Variants in ALDH16A1 observed in about 807,000 individuals in gnomAD.
ALDH16A1 encodes aldehyde dehydrogenase family 16 member A1.
ALDH16A1 carries 88 observed loss-of-function variants against 96.1 expected under a neutral mutation model. That is an observed-to-expected ratio of 0.92 (90% CI 0.77 to 1.09). ALDH16A1 has a LOEUF of 1.09. Ranked by LOEUF, ALDH16A1 falls within the 50% of genes least tolerant of loss-of-function variation. ALDH16A1 has a pLI of 0.00. For missense variants in ALDH16A1, 1,250 were observed against 1,112.6 expected (o/e 1.12, Z -1.76); for synonymous variants, 522 against 496.4 (o/e 1.05, Z -0.69).
At chr19:49,457,192 G>A (rs1057317961) in intron 1 of ALDH16A1, among the ~76,000 whole-genome samples, 1 of 151,816 alleles carries the variant, frequency 6.6e-6, no homozygotes. Context: ...TGTAGAAGGA[G>A]CAAGTGAGCA....
At position 49,460,911 on chromosome 19, in the gene ALDH16A1, C is replaced by A. The variant is rs199712460; in HGVS notation, c.577+12C>A. The A allele has an allele frequency of 1.8e-3, 2,970 of 1,610,516 alleles. 59 individuals are homozygous for A. The South Asian group carries it at 0.029, about 16-fold the overall frequency. On this transcript the variant is annotated intron_variant, in intron 5 of 16. Transcript: ENST00000293350. ...TGCCCTGGCTGTGGGTAAATGATGG[C>A]CTGGGGGGTCCTGACTCTTGGGTCT...
chr19:49,462,755 G>A lies in ALDH16A1; in HGVS notation c.1098G>A (p.Gln366=), dbSNP rs920416789. 10 of 1,575,570 alleles carry A rather than the reference G, an allele frequency of 6.3e-6. No individual in the cohort carries two copies. The highest frequency in any genetic ancestry group is 7.7e-6 in the Non-Finnish European group (9 of 1,162,580). Residue 366 remains glutamine (Q), a splice_region_variant and synonymous_variant, in exon 8 of 17, where the codon CAG becomes CAA. Transcript: ENST00000293350. Reference sequence around the variant, plus strand: ...GTGAGGCCCAGAGCCAGGGTGCACAGGTGAGGCAGGGGGTAGAGACTTGAG... The same window carrying A: ...GTGAGGCCCAGAGCCAGGGTGCACAAGTGAGGCAGGGGGTAGAGACTTGAG... The part of the protein sequence containing the change: ...FVREAQSQGA[Q]VFQAGDVPSE...
rs1212541215 is a variant in ALDH16A1, at chr19:49,465,910, G to A, written c.1736+5G>A. Reference sequence around the variant, plus strand: ...CGCTCACCAGGCTTTCCCTGGGTAAGGGGTCACACGGGAAAGCCCAAGGGT... The same window carrying A: ...CGCTCACCAGGCTTTCCCTGGGTAAAGGGTCACACGGGAAAGCCCAAGGGT... On this transcript the variant is annotated splice_donor_5th_base_variant and intron_variant, in intron 13 of 16. Transcript: ENST00000293350. 19 of 1,612,634 alleles carry A rather than the reference G, an allele frequency of 1.2e-5. No individual in the cohort carries two copies. The highest frequency in any genetic ancestry group is 1.5e-5 in the Non-Finnish European group (18 of 1,179,390).
chr19:49,458,656 C>A, intron 2 of ALDH16A1, 68 bp downstream of exon 2: 1 of 1,475,482 alleles, frequency 6.8e-7, no homozygotes, highest in Non-Finnish European at 9.3e-7. Flanking sequence ...CCCACCAACA[C>A]CCATTCCCCT....
At chr19:49,457,846 G>A (rs1227104694) in intron 1 of ALDH16A1, among the ~76,000 whole-genome samples, 2 of 151,986 alleles carry the variant, frequency 1.3e-5, no homozygotes, top group Non-Finnish European at 2.9e-5. Flanking sequence ...CCTAGGCTCA[G>A]ACCACCTCGG....
In ALDH16A1 at chr19:49,464,369, C is replaced by T. The variant is rs893083778; in HGVS notation, c.1332-48C>T. 3.8e-6 allele frequency: 6 copies of T among 1,563,706 alleles called. No homozygotes were observed. The Admixed American group carries it at 9.5e-5, about 25-fold the overall frequency. ...GCCTTTAACTCACCCCTCTCCCGGCCTGCCACCGTCTGTTTTCCTCTGTTG... is the reference window on the plus strand; with the variant it reads ...GCCTTTAACTCACCCCTCTCCCGGCTTGCCACCGTCTGTTTTCCTCTGTTG... On this transcript the variant is annotated intron_variant, in intron 10 of 16. Coordinates refer to ENST00000293350, the MANE Select transcript of ALDH16A1 (RefSeq NM_153329.4).
In ALDH16A1 at chr19:49,464,412, C is replaced by G. The variant is rs773590065; in HGVS notation, c.1332-5C>G. Reference sequence around the variant, plus strand: ...CTCTGTTGGACACCTTCATCTTCCCCACAGGCTCCAGGTGGGCACTGTCTG... The same window carrying G: ...CTCTGTTGGACACCTTCATCTTCCCGACAGGCTCCAGGTGGGCACTGTCTG... On this transcript the variant is annotated splice_polypyrimidine_tract_variant and splice_region_variant and intron_variant, in intron 10 of 16. Coordinates refer to ENST00000293350, the MANE Select transcript of ALDH16A1 (RefSeq NM_153329.4). 1.9e-6 allele frequency: 3 copies of G among 1,594,762 alleles called. No individual in the cohort carries two copies. The highest frequency in any genetic ancestry group is 2.6e-6 in the Non-Finnish European group (3 of 1,170,636).
chr19:49,459,124 A>T lies in ALDH16A1; in HGVS notation c.320+38A>T, dbSNP rs758438838. 5 of 1,590,296 alleles carry T rather than the reference A, an allele frequency of 3.1e-6. No homozygotes were observed. In the South Asian group the frequency reaches 4.4e-5, roughly 14 times the overall value. On this transcript the variant is annotated intron_variant, in intron 3 of 16. Transcript: ENST00000293350. The surrounding 1 kb of genome is among the most constrained non-coding windows in gnomAD (Gnocchi z 4.1). ...AGGTGTGGACCCCGGGAGGCGGGGAACCCCAGCATCCACTCGAGACCATGG... is the reference window on the plus strand; with the variant it reads ...AGGTGTGGACCCCGGGAGGCGGGGATCCCCAGCATCCACTCGAGACCATGG...
rs183310379 is a variant in ALDH16A1, at chr19:49,460,819, C to A, written c.500-3C>A. On this transcript the variant is annotated splice_region_variant and splice_polypyrimidine_tract_variant and intron_variant, in intron 4 of 16. Transcript: ENST00000293350. ...ATCCTCTTGCCTCATTTTTTTCTTGCAGGAGTAATTGGCCTCATCCTGCCA... is the reference window on the plus strand; with the variant it reads ...ATCCTCTTGCCTCATTTTTTTCTTGAAGGAGTAATTGGCCTCATCCTGCCA... 3 of 1,607,774 alleles carry A rather than the reference C, an allele frequency of 1.9e-6. No individual in the cohort carries two copies. Among genetic ancestry groups the A allele is most frequent in the Non-Finnish European group, 2.5e-6 (3 of 1,176,550 alleles).
At chr19:49,457,273 C>T (rs971016196) in intron 1 of ALDH16A1, among the ~76,000 whole-genome samples, 6 of 151,802 alleles carry the variant, frequency 4.0e-5, no homozygotes, top group African/African-American at 1.5e-4. Flanking sequence ...GAAGTCCGGG[C>T]GCAGTGGCTC....
chr19:49,457,487 G>A (rs530194702), intron 1 of ALDH16A1, among the ~76,000 whole-genome samples: 1 of 150,584 alleles, frequency 6.6e-6, no homozygotes, highest in East Asian at 2.0e-4. Flanking sequence ...GGCGGACCTT[G>A]CAGTGAGCAG....
intron 8 of ALDH16A1, 79 bp downstream of exon 8, chr19:49,462,834 G>T: frequency 7.3e-7 from 1 of 1,366,734 alleles, no homozygotes; most frequent in East Asian, 2.7e-5. Flanking sequence ...AAGGGAGGAG[G>T]GAGCTGGGCG....
intron 12 of ALDH16A1, 152 bp downstream of exon 12, chr19:49,464,914 C>A: frequency 8.2e-7 from 1 of 1,215,212 alleles, no homozygotes; most frequent in Non-Finnish European, 1.2e-6. Context: ...ACTTTCCCTA[C>A]CCCAGGCCTG....
Position 49,464,619 on chromosome 19 carries a change from G to A in ALDH16A1, c.1438-13G>A, listed in dbSNP as rs372663614. 11 of 1,613,686 alleles carry A rather than the reference G, an allele frequency of 6.8e-6. No individual in the cohort carries two copies. Among genetic ancestry groups the A allele is most frequent in the African/African-American group, 4.0e-5 (3 of 74,830 alleles). ...GTGCCCCTTGCATCCTCTTGACACCGTCCCTCTCACAGGGGCTGTATGAGT... is the reference window on the plus strand; with the variant it reads ...GTGCCCCTTGCATCCTCTTGACACCATCCCTCTCACAGGGGCTGTATGAGT... On this transcript the variant is annotated splice_polypyrimidine_tract_variant and intron_variant, in intron 11 of 16. Transcript: ENST00000293350.
chr19:49,470,651 T>C lies in ALDH16A1; in HGVS notation c.*184T>C. The C allele has an allele frequency of 4.6e-6, 2 of 433,580 alleles. No individual in the cohort carries two copies. The highest frequency in any genetic ancestry group is 4.9e-5 in the Admixed American group (1 of 20,562). The allele number at this position is 433,580 out of a possible 1,614,324, so 26.9% of individuals were successfully genotyped here. On this transcript the variant is annotated 3_prime_UTR_variant, in exon 17 of 17. Transcript: ENST00000293350. The stretch of plus-strand genomic sequence containing the variant: ...CTGGCAGATATGAGGCTTTTTTCTT[T>C]TTTTTTTTTTTTTTTGAGACAACGT...
chr19:49,464,226 A>T lies in ALDH16A1; in HGVS notation c.1294A>T (p.Ser432Cys). The T allele has an allele frequency of 6.2e-7, 1 of 1,604,686 alleles. No homozygotes were observed. Among genetic ancestry groups the T allele is most frequent in the East Asian group, 2.2e-5 (1 of 44,780 alleles). Residue 432 changes from serine (S) to cysteine (C), a missense_variant, in exon 10 of 17, where the codon AGC becomes TGC. By Grantham distance (112) the Ser-to-Cys change is moderately radical. Coordinates refer to ENST00000293350, the MANE Select transcript of ALDH16A1 (RefSeq NM_153329.4). ...CCGCGGGGGCAGCGCCAGTGTGTGG[A>T]GCGAGAGGCTGGGGCAGGCGCTGGA... ...TPRGGSASVW[S>C]ERLGQALELG...
Position 49,462,695 on chromosome 19 carries a change from GGCT to G in ALDH16A1, c.1041_1043del (p.Ala349del), listed in dbSNP as rs745912999. 14 of 1,608,248 alleles carry G rather than the reference GGCT, an allele frequency of 8.7e-6. No homozygotes were observed. In the East Asian group the frequency reaches 2.9e-4, roughly 33 times the overall value. ...GGGCCGTGGACATGGGGGCCCGGGG[GGCT>G]GCCGCATGTGACCTGGTCCAGCGCT... On this transcript the variant is annotated inframe_deletion, in exon 8 of 17. Transcript: ENST00000293350.
In ALDH16A1 at chr19:49,470,718, G is replaced by A. The variant is rs1352387066; in HGVS notation, c.*251G>A. 32 of 352,224 alleles carry A rather than the reference G, an allele frequency of 9.1e-5. No individual in the cohort carries two copies. The East Asian group carries it at 1.3e-3, about 15-fold the overall frequency. The allele number at this position is 352,224 out of a possible 1,614,324, so 21.8% of individuals were successfully genotyped here. ...GGCTGGAGCGCAGTGGCACAATCTC[G>A]GCCCACTGCAGCCTCGACCTCTGGG... On this transcript the variant is annotated 3_prime_UTR_variant, in exon 17 of 17. Transcript: ENST00000293350.
chr19:49,464,859 C>A, intron 12 of ALDH16A1, 97 bp downstream of exon 12: 1 of 1,561,308 alleles, frequency 6.4e-7, no homozygotes, highest in South Asian at 1.1e-5. Flanking sequence ...CGAGGTCCAT[C>A]CAAACCATCT....
Sources: gnomAD v4.1 joint callset for allele counts (sites outside exome capture counted in the v4.1 genomes callset) on GRCh38, gnomAD v4.1.1 for gene constraint, Gnocchi (gnomAD v3.1) non-coding constraint, MANE v1.5 for transcripts, NCBI Gene and HGNC (gene_info 2026-07-23, HGNC 2026-07-21) for gene names.